The following EVI5 variants were observed in gnomAD, a reference collection of about 807,000 sequenced individuals.
The protein encoded by EVI5 is ecotropic viral integration site 5 protein homolog.
Under a neutral mutation model 112.0 loss-of-function variants are expected in EVI5, and 73 were observed. That is an observed-to-expected ratio of 0.65 (90% CI 0.54 to 0.79). EVI5 has a LOEUF of 0.79. EVI5 is among the 30% of genes least tolerant of loss of function. The pLI, the probability that EVI5 is intolerant of heterozygous loss-of-function variation, is 0.00. For missense variants in EVI5, 900 were observed against 968.8 expected, an observed-to-expected ratio of 0.93 and a Z score of 0.94; for synonymous variants, 305 against 319.9, an observed-to-expected ratio of 0.95 and a Z score of 0.50.
intron 2 of EVI5, among the ~76,000 whole-genome samples, chr1:92,721,887 G>C (rs1674811492): frequency 6.6e-6 from 1 of 151,902 alleles, no homozygotes; most frequent in South Asian, 2.1e-4. Context: ...ATTCAACTTT[G>C]GTCACTTACA....
chr1:92,653,853 G>A (rs11578098), intron 13 of EVI5, among the ~76,000 whole-genome samples: 29,713 of 152,184 alleles, frequency 0.2, 3,449 homozygotes, highest in Non-Finnish European at 0.25. Context: ...GTACATTGCA[G>A]CCTGGAGATA....
chr1:92,625,859 C>A lies in EVI5; in HGVS notation c.1603G>T (p.Ala535Ser), dbSNP rs202244393. The A allele has an allele frequency of 6.2e-7, 1 of 1,612,466 alleles. No individual in the cohort carries two copies. Among genetic ancestry groups the A allele is most frequent in the Non-Finnish European group, 8.5e-7 (1 of 1,178,666 alleles). The change falls in exon 15 of 20, where the codon GCA becomes TCA. Residue 535 changes from alanine to serine, a missense_variant. Transcript: ENST00000684568. ...TCTTTCAAACCCATAATGGCTTCTGCTTCTCTAAGTTTCACAGCAATGAGT... is the reference window on the plus strand; with the variant it reads ...TCTTTCAAACCCATAATGGCTTCTGATTCTCTAAGTTTCACAGCAATGAGT... ...EELIAVKLRE[A>S]EAIMGLKELR... is the part of the protein sequence containing the mutation.
chr1:92,630,815 A>G (rs1386240109), intron 14 of EVI5, among the ~76,000 whole-genome samples: 6 of 152,164 alleles, frequency 3.9e-5, no homozygotes, highest in South Asian at 4.1e-4. Context: ...TAACATTTAA[A>G]TCTTTAATCC....
intron 19 of EVI5, among the ~76,000 whole-genome samples, chr1:92,541,108 A>C (rs950450624): frequency 6.6e-6 from 1 of 152,176 alleles, no homozygotes. Flanking sequence ...AAAAAGCAGA[A>C]GCTTAATCTA....
At chr1:92,718,235 T>C (rs1442889447) in intron 2 of EVI5, among the ~76,000 whole-genome samples, 2 of 152,170 alleles carry the variant, frequency 1.3e-5, no homozygotes, top group African/African-American at 4.8e-5. Context: ...ATCAACAGAA[T>C]ATACATTCTT....
intron 1 of EVI5, among the ~76,000 whole-genome samples, chr1:92,790,282 C>T (rs1278441502): frequency 5.3e-5 from 8 of 151,724 alleles, no homozygotes; most frequent in Non-Finnish European, 1.2e-4. Flanking sequence ...GCACTCCAGC[C>T]TGTGTGCCAG....
At chr1:92,572,762 G>C (rs1174348503) in intron 18 of EVI5, among the ~76,000 whole-genome samples, 1 of 151,934 alleles carries the variant, frequency 6.6e-6, no homozygotes, top group African/African-American at 2.4e-5. Flanking sequence ...TGTTCAAATA[G>C]TGTGACTCAC....
chr1:92,735,134 T>A (rs1169153437), intron 2 of EVI5, among the ~76,000 whole-genome samples: 1 of 152,140 alleles, frequency 6.6e-6, no homozygotes, highest in Non-Finnish European at 1.5e-5. Context: ...CATATATCCA[T>A]GCAAAGGCTT....
intron 19 of EVI5, among the ~76,000 whole-genome samples, chr1:92,534,347 C>T (rs1190575965): frequency 6.6e-6 from 1 of 152,154 alleles, no homozygotes; most frequent in African/African-American, 2.4e-5. Context: ...TGACAATGGC[C>T]ATACTGCCCA....
At chr1:92,752,341 CT>C (rs1558202917) in intron 1 of EVI5, among the ~76,000 whole-genome samples, 1 of 151,948 alleles carries the variant, frequency 6.6e-6, no homozygotes, top group African/African-American at 2.4e-5. Context: ...CGCCTGGCTA[CT>C]TTTTGTATTT....
intron 13 of EVI5, among the ~76,000 whole-genome samples, chr1:92,657,462 A>C (rs2102118686): frequency 6.6e-6 from 1 of 152,264 alleles, no homozygotes; most frequent in Non-Finnish European, 1.5e-5. Context: ...CTGGAGTTCA[A>C]GGCCAGCCTG....
intron 1 of EVI5, among the ~76,000 whole-genome samples, chr1:92,761,645 A>C (rs80155049): frequency 2.5e-3 from 3 of 1,186 alleles, no homozygotes; most frequent in Non-Finnish European, 4.4e-3. Flanking sequence ...TTCCAGTAAG[A>C]TTTTTTTAAG....
chr1:92,762,140 T>C lies in EVI5; in HGVS notation c.-82+22696A>G, dbSNP rs571537184. 1.3e-3 allele frequency among the ~76,000 whole-genome samples: 203 copies of C among 152,142 alleles called. 1 individual carries two copies. Among genetic ancestry groups the C allele is most frequent in the African/African-American group, 4.5e-3 (188 of 41,490 alleles). The stretch of plus-strand genomic sequence containing the variant: ...ACAGAAAAAGGGAAAAAAGAGGAAA[T>C]AATGGTAACACGACAATTATCTTTT... On this transcript the variant is annotated intron_variant, in intron 1 of 19. Coordinates refer to ENST00000684568, the MANE Select transcript of EVI5 (RefSeq NM_001350197.2).
chr1:92,719,544 T>C (rs1029656318), intron 2 of EVI5, among the ~76,000 whole-genome samples: 10 of 151,966 alleles, frequency 6.6e-5, no homozygotes, highest in Non-Finnish European at 1.5e-4. Flanking sequence ...ATGGAACATA[T>C]CTCAAAATAA....
intron 16 of EVI5, among the ~76,000 whole-genome samples, chr1:92,611,664 A>T (rs529917166): frequency 7.1e-6 from 1 of 141,760 alleles, no homozygotes; most frequent in East Asian, 2.1e-4. Context: ...GCGCCACTGC[A>T]CTCCAGCCTG....
chr1:92,634,636 A>T (rs1658320660), intron 14 of EVI5, among the ~76,000 whole-genome samples: 1 of 152,108 alleles, frequency 6.6e-6, no homozygotes, highest in African/African-American at 2.4e-5. Context: ...TTCCTCCTTT[A>T]GCTCGGAGTA....
At chr1:92,595,839 A>G (rs189404164) in intron 18 of EVI5, among the ~76,000 whole-genome samples, 281 of 152,328 alleles carry the variant, frequency 1.8e-3, no homozygotes, top group Non-Finnish European at 2.3e-3. Flanking sequence ...ATGAACAGGG[A>G]ACTAATAGTA....
chr1:92,563,697 T>A lies in EVI5; in HGVS notation c.2111A>T (p.Asp704Val). 6.2e-7 allele frequency: 1 copy of A among 1,610,478 alleles called. No homozygotes were observed. The highest frequency in any genetic ancestry group is 8.5e-7 in the Non-Finnish European group (1 of 1,177,608). Residue 704 changes from aspartate (D) to valine (V), a missense_variant, in exon 19 of 20, where the codon GAT becomes GTT. Physicochemically the swap from Asp to Val is radical, Grantham distance 152. Transcript: ENST00000684568. ...GKLQGQLNKSDSNQYIGELKD... is the reference protein window; with the variant it reads ...GKLQGQLNKSVSNQYIGELKD... ...CAGTTCCCCAATATACTGGTTAGAA[T>A]CAGACTTGTTAAGCTGTCCTTGAAG...
intron 1 of EVI5, among the ~76,000 whole-genome samples, chr1:92,747,585 G>A (rs914995493): frequency 6.6e-6 from 1 of 151,788 alleles, no homozygotes; most frequent in Non-Finnish European, 1.5e-5. Context: ...GTGATGTTGG[G>A]TGCCTGTAGT....
Sources: gnomAD v4.1 joint callset for allele counts (sites outside exome capture counted in the v4.1 genomes callset) on GRCh38, gnomAD v4.1.1 for gene constraint, MANE v1.5 for transcripts, NCBI Gene and HGNC (gene_info 2026-07-23, HGNC 2026-07-21) for gene names.